Variants in DNM1 observed in about 807,000 individuals in gnomAD.
DNM1 encodes the protein dynamin 1.
Under a neutral mutation model 104.6 loss-of-function variants are expected in DNM1, and 29 were observed. That is an observed-to-expected ratio of 0.28 (90% CI 0.21 to 0.38). The LOEUF (loss-of-function observed/expected upper bound fraction) is 0.38. Among genes scored for constraint, DNM1 ranks in the 10% least tolerant of loss-of-function variants. The probability of loss-of-function intolerance (pLI) is 1.00; values close to 1 mark genes in which losing one functional copy is unlikely to be tolerated. For synonymous variants in DNM1, 445 were observed against 475.8 expected (o/e 0.94, Z 0.84); for missense variants, 640 against 1,189.4 (o/e 0.54, Z 6.79).
At chr9:128,208,639 G>A (rs1043842844) in intron 1 of DNM1, among the ~76,000 whole-genome samples, 2 of 152,338 alleles carry the variant, frequency 1.3e-5, no homozygotes, top group East Asian at 3.9e-4. Context: ...GGCACTTGCT[G>A]TGTGCCAGGC....
chr9:128,248,005 A>G lies in DNM1; in HGVS notation c.1905+70A>G. On this transcript the variant is annotated intron_variant, in intron 18 of 21. Transcript: ENST00000372923. The surrounding 1 kb of genome is among the most constrained non-coding windows in gnomAD (Gnocchi z 5.6). ...GGCACCAGCTCCAGCCAGGTTTTCA[A>G]GCAAGGGACCTGGAGATGTTCTTTT... 6.3e-7 allele frequency: 1 copy of G among 1,596,850 alleles called. No homozygotes were observed. Among genetic ancestry groups the G allele is most frequent in the Non-Finnish European group, 8.6e-7 (1 of 1,164,344 alleles).
chr9:128,250,328 C>A lies in DNM1; in HGVS notation c.2290C>A (p.Gln764Lys). 1 of 1,600,212 alleles carries A rather than the reference C, an allele frequency of 6.2e-7. No individual in the cohort carries two copies. The highest frequency in any genetic ancestry group is 8.5e-7 in the Non-Finnish European group (1 of 1,173,892). The change falls in exon 20 of 22, where the codon CAG becomes AAG. Residue 764 changes from glutamine to lysine, a missense_variant. Physicochemically the swap from Gln to Lys is moderately conservative, Grantham distance 53 (BLOSUM62 1). Coordinates refer to ENST00000372923, the MANE Select transcript of DNM1 (RefSeq NM_004408.4). ...MPPPVDDSWL[Q>K]VQSVPAGRRS... ...CCCGCCCGTGGACGACTCCTGGCTG[C>A]AGGTGCAGAGCGTACCGGCCGGACG...
In DNM1 at chr9:128,224,356, G is replaced by T; in HGVS notation, c.1302G>T (p.Glu434Asp). The change falls in exon 10 of 22, where the codon GAG (glutamate) becomes GAT (aspartate). Residue 434 changes from glutamate to aspartate, a missense_variant. Transcript: ENST00000372923. This position sits in a 1 kb window ranked among gnomAD's most constrained non-coding sequence, Gnocchi z 4.3. ...CLKCVDMVIS[E>D]LISTVRQCTK... The stretch of plus-strand genomic sequence containing the variant: ...AGTGTGTGGACATGGTTATCTCGGA[G>T]CTAATCAGCACCGTTAGACAGTGCA... The T allele has an allele frequency of 6.2e-7, 1 of 1,614,058 alleles. No homozygotes were observed.
Position 128,248,550 on chromosome 9 carries a change from G to A in DNM1, c.1906-33G>A. 6.2e-7 allele frequency: 1 copy of A among 1,601,688 alleles called. No individual in the cohort carries two copies. The highest frequency in any genetic ancestry group is 8.5e-7 in the Non-Finnish European group (1 of 1,170,360). ...TGCCTGGAGCCTGGCTGCATGGCCT[G>A]GCCACCTGATGCCCTTGTGTTCTCC... is the stretch of plus-strand genomic sequence containing the variant. On this transcript the variant is annotated intron_variant, in intron 18 of 21. Coordinates refer to ENST00000372923, the MANE Select transcript of DNM1 (RefSeq NM_004408.4). The surrounding 1 kb of genome is among the most constrained non-coding windows in gnomAD (Gnocchi z 5.6).
At chr9:128,251,083 C>T (rs1166092489) in intron 21 of DNM1, 143 bp downstream of exon 21, 1 of 680,284 alleles carries the variant, frequency 1.5e-6, no homozygotes, top group East Asian at 2.8e-5. Flanking sequence ...GTGCCGGAGC[C>T]ACGCCACGTG....
At chr9:128,216,454 C>T (rs1024163527) in intron 1 of DNM1, among the ~76,000 whole-genome samples, 15 of 152,180 alleles carry the variant, frequency 9.9e-5, no homozygotes, top group Admixed American at 6.5e-5. Context: ...TTATTGAGTG[C>T]CCCTTGTGTG....
At position 128,254,128 on chromosome 9, in the gene DNM1, G is replaced by T; in HGVS notation, c.2535-526G>T. On this transcript the variant is annotated intron_variant, in intron 21 of 21. Coordinates refer to ENST00000372923, the MANE Select transcript of DNM1 (RefSeq NM_004408.4). The surrounding 1 kb of genome is among the most constrained non-coding windows in gnomAD (Gnocchi z 6.1). The stretch of plus-strand genomic sequence containing the variant: ...GCCTGCCCTCCCTGCCTCCCCCAGG[G>T]TCCCTTCAGAGGGTCCTGGGTTTTC... The T allele has an allele frequency of 2.4e-6, 3 of 1,258,662 alleles. No individual in the cohort carries two copies. The highest frequency in any genetic ancestry group is 3.0e-6 in the Non-Finnish European group (3 of 1,006,688). The allele number at this position is 1,258,662 out of a possible 1,614,324, so 78.0% of individuals were successfully genotyped here.
intron 14 of DNM1, among the ~76,000 whole-genome samples, chr9:128,241,882 C>A (rs372626646): frequency 1.3e-5 from 2 of 152,208 alleles, no homozygotes; most frequent in African/African-American, 2.4e-5. Context: ...ACAGATGAGA[C>A]CTTAAGCTTC....
chr9:128,209,824 G>C (rs1327862289), intron 1 of DNM1, among the ~76,000 whole-genome samples: 3 of 152,162 alleles, frequency 2.0e-5, no homozygotes, highest in Non-Finnish European at 2.9e-5. Flanking sequence ...GGAATTCTGG[G>C]GCATCTGAGC....
intron 15 of DNM1, among the ~76,000 whole-genome samples, 173 bp from the exon 16 acceptor site, chr9:128,246,221 G>A (rs893584966): frequency 6.6e-6 from 1 of 152,138 alleles, no homozygotes; most frequent in Non-Finnish European, 1.5e-5. Flanking sequence ...TGCGGGGGTC[G>A]GCGGTGCCCA....
chr9:128,237,407 G>A (rs150401307), intron 11 of DNM1, among the ~76,000 whole-genome samples: 2,326 of 152,010 alleles, frequency 0.015, 52 homozygotes, highest in African/African-American at 0.053. Context: ...GACCACAGGT[G>A]CATGCCACCA....
chr9:128,214,290 C>T (rs1372977908), intron 1 of DNM1, among the ~76,000 whole-genome samples: 1 of 152,182 alleles, frequency 6.6e-6, no homozygotes, highest in Non-Finnish European at 1.5e-5. Flanking sequence ...GTATAAGCCT[C>T]ACAGCAACCC....
At chr9:128,234,158 G>A (rs1303113085) in intron 11 of DNM1, 51 bp downstream of exon 11, 27 of 1,426,554 alleles carry the variant, frequency 1.9e-5, no homozygotes, top group Admixed American at 9.4e-5. Context: ...ACTCCTGGCC[G>A]CCTGCGCCTT....
chr9:128,213,574 A>G (rs1381845196), intron 1 of DNM1, among the ~76,000 whole-genome samples: 1 of 152,128 alleles, frequency 6.6e-6, no homozygotes, highest in Non-Finnish European at 1.5e-5. Context: ...CTTAATAGGG[A>G]GAAAGATTGC....
chr9:128,254,371 G>A lies in DNM1; in HGVS notation c.2535-283G>A, dbSNP rs570025683. The A allele has an allele frequency of 2.5e-5, 35 of 1,408,930 alleles. No homozygotes were observed. The South Asian group carries it at 3.4e-4, about 14-fold the overall frequency. The allele number at this position is 1,408,930 out of a possible 1,614,324, so 87.3% of individuals were successfully genotyped here. ...CATCAGCCTGAATTGCGGGTGCCCT[G>A]CCTGGGTGCCGTGTGAGAGGCCAGC... On this transcript the variant is annotated intron_variant, in intron 21 of 21. Transcript: ENST00000372923. This position sits in a 1 kb window ranked among gnomAD's most constrained non-coding sequence, Gnocchi z 6.1.
chr9:128,233,925 C>A, intron 10 of DNM1, 96 bp from the exon 11 acceptor site: 1 of 1,130,578 alleles, frequency 8.8e-7, no homozygotes, highest in Non-Finnish European at 1.3e-6. Context: ...GTGTGCCTCC[C>A]ACCCTGCGCC....
At chr9:128,250,595 C>G (rs976723279) in intron 20 of DNM1, 130 bp from the exon 21 acceptor site, 8 of 1,008,800 alleles carry the variant, frequency 7.9e-6, no homozygotes, top group African/African-American at 5.2e-5. Context: ...CTCCGGCGAC[C>G]GCCTTAGGGG....
chr9:128,219,095 G>T lies in DNM1; in HGVS notation c.432G>T (p.Pro144=), dbSNP rs1390601867. ...ACCTGCCCGGAATGACCAAGGTCCC[G>T]GTGGGGGACCAACCTCCCGACATCG... The part of the protein sequence containing the change: ...LVDLPGMTKV[P]VGDQPPDIEF... The change falls in exon 4 of 22, where the codon CCG becomes CCT. Residue 144 remains proline, a synonymous_variant. Coordinates refer to ENST00000372923, the MANE Select transcript of DNM1 (RefSeq NM_004408.4). 6.2e-7 allele frequency: 1 copy of T among 1,614,124 alleles called. No individual in the cohort carries two copies. The highest frequency in any genetic ancestry group is 8.5e-7 in the Non-Finnish European group (1 of 1,180,036).
In DNM1 at chr9:128,224,382, C is replaced by A. The variant is rs1234668302; in HGVS notation, c.1328C>A (p.Thr443Asn). ...SELISTVRQCTKKLQQYPRLR... is the reference protein window; with the variant it reads ...SELISTVRQCNKKLQQYPRLR... ...CTAATCAGCACCGTTAGACAGTGCA[C>A]CAAGAAGGTAACCCGGAGGCCCGGG... is the stretch of plus-strand genomic sequence containing the variant. Residue 443 changes from threonine to asparagine, a missense_variant, in exon 10 of 22, where the codon ACC becomes AAC. This residue lies in a region of DNM1 where 92 missense variants were observed against 124.4 expected (regional missense o/e 0.74). Transcript: ENST00000372923. This position sits in a 1 kb window ranked among gnomAD's most constrained non-coding sequence, Gnocchi z 4.3. 1 of 1,609,436 alleles carries A rather than the reference C, an allele frequency of 6.2e-7. No homozygotes were observed. Among genetic ancestry groups the A allele is most frequent in the African/African-American group, 1.3e-5 (1 of 75,018 alleles).
Sources: gnomAD v4.1 joint callset for allele counts (sites outside exome capture counted in the v4.1 genomes callset) on GRCh38, gnomAD v4.1.1 for gene constraint, gnomAD v4.1.1 regional missense constraint, Gnocchi (gnomAD v3.1) non-coding constraint, MANE v1.5 for transcripts, NCBI Gene and HGNC (gene_info 2026-07-23, HGNC 2026-07-21) for gene names.